PCDHGB2: variants seen among roughly 807,000 people sequenced by gnomAD.
The protein encoded by PCDHGB2 is protocadherin gamma-B2.
PCDHGB2 carries 55 observed loss-of-function variants against 59.3 expected under a neutral mutation model. The ratio of observed to expected loss-of-function variants is 0.93; its 90% confidence interval spans 0.75 to 1.16. The LOEUF is 1.16. Among genes scored for constraint, PCDHGB2 ranks in the 50% most tolerant of loss-of-function variants. The probability of loss-of-function intolerance (pLI) is 0.00; values close to 1 mark genes in which losing one functional copy is unlikely to be tolerated. For missense variants in PCDHGB2, 1,228 were observed against 1,198.5 expected (o/e 1.02, Z -0.36); for synonymous variants, 516 against 512.0 (o/e 1.01, Z -0.11).
chr5:141,472,928 G>A (rs926768431), intron 1 of PCDHGB2, among the ~76,000 whole-genome samples: 13 of 150,136 alleles, frequency 8.7e-5, no homozygotes, highest in Admixed American at 2.7e-4. Flanking sequence ...GGAGGTTGTG[G>A]TGAGCCAAGA....
chr5:141,406,662 AT>A (rs2094837131), intron 1 of PCDHGB2, among the ~76,000 whole-genome samples: 1 of 152,208 alleles, frequency 6.6e-6, no homozygotes, highest in African/African-American at 2.4e-5. Flanking sequence ...TTAATGTTAA[AT>A]TATGGAGAAT....
In PCDHGB2 at chr5:141,512,517, A is replaced by G. The variant is rs985434754; in HGVS notation, c.*1344A>G. ...GTCCCCAGTGCGCCCCCTAGTGGCC[A>G]TAGCCTGGTTAAAGTTCCCCAGTGC... On this transcript the variant is annotated 3_prime_UTR_variant, in exon 4 of 4. Coordinates refer to ENST00000522605, the MANE Select transcript of PCDHGB2 (RefSeq NM_018923.3). 3 of 152,938 alleles carry G rather than the reference A, an allele frequency of 2.0e-5. No individual in the cohort carries two copies. Among genetic ancestry groups the G allele is most frequent in the African/African-American group, 7.2e-5 (3 of 41,464 alleles). 9.5% of individuals were successfully genotyped at this position (152,938 alleles called of 1,614,324 possible).
At chr5:141,407,875 A>G (rs957717882) in intron 1 of PCDHGB2, 8 of 361,396 alleles carry the variant, frequency 2.2e-5, no homozygotes, top group African/African-American at 8.4e-5. Context: ...AAGAATATAT[A>G]CATTTCGGAG....
Position 141,361,887 on chromosome 5 carries a change from C to T in PCDHGB2, c.1752C>T (p.Pro584=). The change falls in exon 1 of 4, where the codon CCC becomes CCT. Residue 584 remains proline, a synonymous_variant. Coordinates refer to ENST00000522605, the MANE Select transcript of PCDHGB2 (RefSeq NM_018923.3). The stretch of plus-strand genomic sequence containing the variant: ...ATATGGTGCCACGCGCCGCAGAGCC[C>T]GGCTACCTGGTGACCAAGGTGGTGG... ...LFDMVPRAAE[P]GYLVTKVVAV... 1.2e-6 allele frequency: 2 copies of T among 1,610,304 alleles called. No individual in the cohort carries two copies. The highest frequency in any genetic ancestry group is 1.7e-6 in the Non-Finnish European group (2 of 1,179,422).
At chr5:141,413,342 TG>T in intron 1 of PCDHGB2, 1 of 1,613,974 alleles carries the variant, frequency 6.2e-7, no homozygotes, top group South Asian at 1.1e-5. Flanking sequence ...TCCAAGGACT[TG>T]GGTCTGGCGC....
At chr5:141,397,699 C>A (rs1304915257) in intron 1 of PCDHGB2, among the ~76,000 whole-genome samples, 1 of 152,158 alleles carries the variant, frequency 6.6e-6, no homozygotes, top group Non-Finnish European at 1.5e-5. Flanking sequence ...AAAAACCCAA[C>A]GTGATATTTC....
At chr5:141,484,889 TC>T (rs1312115219) in intron 1 of PCDHGB2, 2 of 362,958 alleles carry the variant, frequency 5.5e-6, no homozygotes, top group Admixed American at 8.9e-5. Flanking sequence ...GTGGGCTTTT[TC>T]CCCTCCAATG....
At chr5:141,413,220 C>A in intron 1 of PCDHGB2, 1 of 1,613,330 alleles carries the variant, frequency 6.2e-7, no homozygotes, top group South Asian at 1.1e-5. Flanking sequence ...AGGATTGCAG[C>A]GGGCTGGTCC....
rs61612330 is a variant in PCDHGB2, at chr5:141,454,796, A to ATTTTTTTTTTTT, written c.2422-39993_2422-39982dup. Among the ~76,000 whole-genome samples, 573 of 77,460 alleles carry ATTTTTTTTTTTT rather than the reference A, an allele frequency of 7.4e-3. 68 individuals carry two copies. Among genetic ancestry groups the ATTTTTTTTTTTT allele is most frequent in the Non-Finnish European group, 9.0e-3 (384 of 42,814 alleles). The allele number at this position is 77,460 out of a possible 152,430, so 50.8% of individuals were successfully genotyped here. A position where few individuals can be genotyped will look rare whatever the true frequency, so the allele number is the denominator to read the frequency against. On this transcript the variant is annotated intron_variant, in intron 1 of 3. Coordinates refer to ENST00000522605, the MANE Select transcript of PCDHGB2 (RefSeq NM_018923.3). ...AAGGAAATAATCCTCCATGGTTCTA[A>ATTTTTTTTTTTT]TTTTTTTTTTTTTTTTTTTTTTTTT...
chr5:141,498,230 C>T (rs2099782452), intron 2 of PCDHGB2, among the ~76,000 whole-genome samples: 1 of 152,200 alleles, frequency 6.6e-6, no homozygotes, highest in African/African-American at 2.4e-5. Flanking sequence ...GATGGTCAGG[C>T]ATACCAGCTT....
chr5:141,362,794 C>T (rs865957377), intron 1 of PCDHGB2, among the ~76,000 whole-genome samples: 2 of 152,246 alleles, frequency 1.3e-5, no homozygotes, highest in African/African-American at 4.8e-5. Context: ...TTTTCTTCCT[C>T]ATCTTTACAT....
intron 1 of PCDHGB2, chr5:141,415,153 G>T: frequency 2.5e-6 from 4 of 1,613,780 alleles, no homozygotes; most frequent in Non-Finnish European, 3.4e-6. Context: ...CCCTCTCTCC[G>T]CCACTGTCAC....
intron 1 of PCDHGB2, chr5:141,394,562 G>A (rs1381162611): frequency 2.5e-6 from 4 of 1,614,088 alleles, no homozygotes; most frequent in Admixed American, 3.3e-5. Flanking sequence ...GCTCCGCAGA[G>A]CGTGGCTACC....
chr5:141,364,757 A>G, intron 1 of PCDHGB2: 4 of 1,613,960 alleles, frequency 2.5e-6, no homozygotes, highest in Non-Finnish European at 3.4e-6. Flanking sequence ...AGTAAAAGTT[A>G]ATGAAAATGC....
intron 1 of PCDHGB2, chr5:141,427,900 C>T (rs1351712272): frequency 2.5e-6 from 4 of 1,571,732 alleles, no homozygotes; most frequent in Non-Finnish European, 3.5e-6. Flanking sequence ...GGCTCGCCCG[C>T]GCTCAGCGCC....
At chr5:141,375,093 T>G (rs1394979484) in intron 1 of PCDHGB2, 18 of 1,613,962 alleles carry the variant, frequency 1.1e-5, no homozygotes, top group Non-Finnish European at 1.4e-5. Flanking sequence ...TTAATAACTA[T>G]CTTGGATGTC....
chr5:141,361,713 C>G lies in PCDHGB2; in HGVS notation c.1578C>G (p.Arg526=). Residue 526 remains arginine (R), a synonymous_variant, in exon 1 of 4, where the codon CGC becomes CGG. Coordinates refer to ENST00000522605, the MANE Select transcript of PCDHGB2 (RefSeq NM_018923.3). The part of the protein sequence containing the change: ...AQRAFDHEQL[R]AFELTLQARD... Reference sequence around the variant, plus strand: ...GCGCCTTCGATCATGAGCAGCTGCGCGCCTTCGAGCTCACACTGCAGGCCC... The same window carrying G: ...GCGCCTTCGATCATGAGCAGCTGCGGGCCTTCGAGCTCACACTGCAGGCCC... 1 of 1,613,404 alleles carries G rather than the reference C, an allele frequency of 6.2e-7. No homozygotes were observed. The highest frequency in any genetic ancestry group is 8.5e-7 in the Non-Finnish European group (1 of 1,179,892).
At chr5:141,365,338 A>G in intron 1 of PCDHGB2, 1 of 1,614,022 alleles carries the variant, frequency 6.2e-7, no homozygotes, top group Non-Finnish European at 8.5e-7. Context: ...TGGTGGTCAC[A>G]GTACAGGACG....
At chr5:141,409,201 A>G (rs2095240333) in intron 1 of PCDHGB2, 1 of 1,614,044 alleles carries the variant, frequency 6.2e-7, no homozygotes, top group Non-Finnish European at 8.5e-7. Flanking sequence ...AGTGTAAAGT[A>G]ATCATAGAAA....
Sources: allele counts gnomAD v4.1 joint callset (sites outside exome capture counted in the v4.1 genomes callset), GRCh38; gene constraint gnomAD v4.1.1; transcripts MANE v1.5; gene names NCBI Gene and HGNC (gene_info 2026-07-23, HGNC 2026-07-21).